The following SRRM4 variants were observed in gnomAD, a reference collection of about 807,000 sequenced individuals.
SRRM4 encodes the protein serine/arginine repetitive matrix 4, also known as serine/arginine repetitive matrix protein 4.
SRRM4 carries 33 observed loss-of-function variants against 68.9 expected under a neutral mutation model. The ratio of observed to expected loss-of-function variants is 0.48; its 90% CI spans 0.36 to 0.64. SRRM4 has a LOEUF of 0.64. Ranked by LOEUF, SRRM4 falls within the 30% of genes least tolerant of loss-of-function variation. The pLI is 0.00. For missense variants in SRRM4, 817 were observed against 827.1 expected, an observed-to-expected ratio of 0.99 and a Z score of 0.15; for synonymous variants, 318 against 318.8, an observed-to-expected ratio of 1.00 and a Z score of 0.03.
At chr12:119,060,127 AT>A (rs1953801535) in intron 1 of SRRM4, among the ~76,000 whole-genome samples, 1 of 152,090 alleles carries the variant, frequency 6.6e-6, no homozygotes, top group South Asian at 2.1e-4. Flanking sequence ...AAATGAAGTA[AT>A]TAGAGGCTCT....
chr12:119,001,648 C>A (rs7304292), intron 1 of SRRM4: 6 of 152,102 alleles, frequency 3.9e-5, no homozygotes, highest in African/African-American at 1.4e-4. Flanking sequence ...TTCTATATTA[C>A]AGATAAGGAA....
At chr12:119,056,974 A>T (rs557842687) in intron 1 of SRRM4, among the ~76,000 whole-genome samples, 1 of 152,256 alleles carries the variant, frequency 6.6e-6, no homozygotes, top group African/African-American at 2.4e-5. Flanking sequence ...AAGGAAGGAG[A>T]GATAGGTTTG....
chr12:119,132,463 C>T (rs542051147), intron 8 of SRRM4: 1 of 152,320 alleles, frequency 6.6e-6, no homozygotes, highest in East Asian at 1.9e-4. Context: ...GGTGGTCCAT[C>T]TGGAGGTCCC....
At chr12:119,144,437 T>C (rs1954387961) in intron 8 of SRRM4, 1 of 152,212 alleles carries the variant, frequency 6.6e-6, no homozygotes, top group African/African-American at 2.4e-5. Flanking sequence ...AGTTTGAGGA[T>C]GTGCAGAAAG....
intron 2 of SRRM4, among the ~76,000 whole-genome samples, chr12:119,113,879 G>C (rs73213749): frequency 0.077 from 11,692 of 152,182 alleles, 485 homozygotes; most frequent in Admixed American, 0.1. Flanking sequence ...CCTTCCGCCT[G>C]CTATTAAATT....
intron 1 of SRRM4, among the ~76,000 whole-genome samples, chr12:119,039,149 C>T (rs891070372): frequency 6.6e-6 from 1 of 152,248 alleles, no homozygotes; most frequent in Non-Finnish European, 1.5e-5. Flanking sequence ...CATCACCAAA[C>T]TGGGGCACCA....
At chr12:119,061,049 A>ATG (rs146296766) in intron 1 of SRRM4, among the ~76,000 whole-genome samples, 3 of 151,610 alleles carry the variant, frequency 2.0e-5, no homozygotes, top group South Asian at 4.2e-4. Context: ...TTAGTATGGA[A>ATG]TGTGTGTGTG....
intron 2 of SRRM4, among the ~76,000 whole-genome samples, chr12:119,112,697 C>CAAGA (rs1305753073): frequency 1.2e-4 from 19 of 152,288 alleles, no homozygotes; most frequent in African/African-American, 4.6e-4. Flanking sequence ...CAAACCAATG[C>CAAGA]AAGAACAGAA....
rs904053326 is a variant in SRRM4 at position 119,147,822 on chromosome 12, C to T, written c.1076+2137C>T. 3.5e-4 allele frequency among the ~76,000 whole-genome samples: 54 copies of T among 152,314 alleles called. 1 individual carries two copies. Among genetic ancestry groups the T allele is most frequent in the Non-Finnish European group, 1.3e-4 (9 of 68,038 alleles). ...ATTCTACTTCGTCATCCGCTTAACT[C>T]TCTCACTCAAGAAATCACAACAAAA... On this transcript the variant is annotated intron_variant, in intron 9 of 12. Transcript: ENST00000267260.
intron 8 of SRRM4, among the ~76,000 whole-genome samples, chr12:119,136,895 C>T (rs950938407): frequency 1.3e-5 from 2 of 152,032 alleles, no homozygotes; most frequent in African/African-American, 4.8e-5. Flanking sequence ...AGTGCACAGC[C>T]CCATGGGATA....
At chr12:119,116,504 G>A (rs1414129992) in intron 3 of SRRM4, among the ~76,000 whole-genome samples, 2 of 152,128 alleles carry the variant, frequency 1.3e-5, no homozygotes. Context: ...TGACCAGGCA[G>A]GCAGCTGTGA....
At chr12:119,105,594 G>A (rs1445656474) in intron 2 of SRRM4, among the ~76,000 whole-genome samples, 1 of 152,156 alleles carries the variant, frequency 6.6e-6, no homozygotes, top group Non-Finnish European at 1.5e-5. Flanking sequence ...TTTTTCATGT[G>A]TCTGTTGGCT....
chr12:119,157,221 T>G lies in SRRM4; in HGVS notation c.*423T>G. ...TCCCCGGATGCCCCACTAGTCCAAC[T>G]TCATGGCTGCACGTGGATGGACCCC... On this transcript the variant is annotated 3_prime_UTR_variant, in exon 13 of 13. Coordinates refer to ENST00000267260, the MANE Select transcript of SRRM4 (RefSeq NM_194286.4). The surrounding 1 kb of genome is among the most constrained non-coding windows in gnomAD (Gnocchi z 4.1). 1 of 174,670 alleles carries G rather than the reference T, an allele frequency of 5.7e-6. No homozygotes were observed. The highest frequency in any genetic ancestry group is 1.2e-5 in the Non-Finnish European group (1 of 82,516). The allele number at this position is 174,670 out of a possible 1,614,324, so 10.8% of individuals were successfully genotyped here. A position where few individuals can be genotyped will look rare whatever the true frequency, so the allele number is the denominator to read the frequency against.
intron 2 of SRRM4, among the ~76,000 whole-genome samples, chr12:119,113,028 G>A (rs1362209595): frequency 6.6e-6 from 1 of 151,924 alleles, no homozygotes; most frequent in Non-Finnish European, 1.5e-5. Flanking sequence ...CAAATTAGTA[G>A]AAAAGCTCAA....
At chr12:118,986,348 T>C (rs897631951) in intron 1 of SRRM4, among the ~76,000 whole-genome samples, 1 of 152,144 alleles carries the variant, frequency 6.6e-6, no homozygotes, top group Non-Finnish European at 1.5e-5. Context: ...CAAACCTTTC[T>C]CCTTTTGAAA....
intron 6 of SRRM4, chr12:119,124,252 C>A (rs1164184556): frequency 6.6e-6 from 1 of 152,116 alleles, no homozygotes. Flanking sequence ...AATGTGTGAG[C>A]CAGCATACAT....
At chr12:119,021,790 T>A (rs548105406) in intron 1 of SRRM4, among the ~76,000 whole-genome samples, 70 of 152,388 alleles carry the variant, frequency 4.6e-4, no homozygotes, top group Non-Finnish European at 7.8e-4. Flanking sequence ...TAGTATTCCA[T>A]GGTATATATG....
chr12:119,009,723 G>C (rs1021856036), intron 1 of SRRM4, among the ~76,000 whole-genome samples: 4 of 152,168 alleles, frequency 2.6e-5, no homozygotes, highest in African/African-American at 9.7e-5. Flanking sequence ...TGTCCACTGA[G>C]TGCCTGCTGT....
At chr12:119,103,329 G>T (rs187984288) in intron 2 of SRRM4, among the ~76,000 whole-genome samples, 142 of 152,182 alleles carry the variant, frequency 9.3e-4, no homozygotes, top group African/African-American at 3.3e-3. Context: ...GTGTCATAGG[G>T]ATTTGTTGTA....
Sources: allele counts gnomAD v4.1 joint callset (sites outside exome capture counted in the v4.1 genomes callset), GRCh38; gene constraint gnomAD v4.1.1; non-coding constraint Gnocchi (gnomAD v3.1); transcripts MANE v1.5; gene names NCBI Gene and HGNC (gene_info 2026-07-23, HGNC 2026-07-21).